Variants in CACNB4 observed in about 807,000 individuals in gnomAD.
The protein encoded by CACNB4 is calcium voltage-gated channel auxiliary subunit beta 4.
CACNB4 carries 32 observed loss-of-function variants against 71.2 expected under a neutral mutation model. The ratio of observed to expected loss-of-function variants is 0.45; its 90% confidence interval spans 0.34 to 0.60. CACNB4 has a LOEUF of 0.60. Ranked by LOEUF, CACNB4 falls within the 20% of genes least tolerant of loss-of-function variation. The pLI is 0.01. For missense variants in CACNB4, 464 were observed against 647.9 expected (o/e 0.72, Z 3.08); for synonymous variants, 231 against 236.9 (o/e 0.97, Z 0.23).
intron 2 of CACNB4, among the ~76,000 whole-genome samples, chr2:152,091,419 T>C (rs182522975): frequency 1.2e-4 from 18 of 152,172 alleles, no homozygotes; most frequent in Admixed American, 8.5e-4. Context: ...GCAGCTAAAA[T>C]ATAAAAATGG....
chr2:151,986,844 G>A (rs1276759638), intron 2 of CACNB4, among the ~76,000 whole-genome samples: 2 of 152,154 alleles, frequency 1.3e-5, no homozygotes, highest in Non-Finnish European at 2.9e-5. Flanking sequence ...TCTTACTGGG[G>A]TTGGGGGGAG....
intron 2 of CACNB4, among the ~76,000 whole-genome samples, chr2:152,042,891 C>T (rs769699648): frequency 1.3e-5 from 2 of 152,198 alleles, no homozygotes; most frequent in Middle Eastern, 3.4e-3. Context: ...CATGCAGTAA[C>T]GAAGCCGGCT....
chr2:151,935,782 G>C (rs181516818), intron 2 of CACNB4, among the ~76,000 whole-genome samples: 1 of 152,284 alleles, frequency 6.6e-6, no homozygotes, highest in East Asian at 1.9e-4. Flanking sequence ...CATTGATAAG[G>C]CTATTAGATA....
At chr2:152,080,372 C>G (rs1262100436) in intron 2 of CACNB4, among the ~76,000 whole-genome samples, 1 of 152,110 alleles carries the variant, frequency 6.6e-6, no homozygotes, top group African/African-American at 2.4e-5. Flanking sequence ...CCCCCTGCCT[C>G]GACCTCCCAA....
intron 5 of CACNB4, 26 bp downstream of exon 5, chr2:151,876,400 A>AG: frequency 6.3e-7 from 1 of 1,582,064 alleles, no homozygotes; most frequent in Non-Finnish European, 8.6e-7. Context: ...ACCAAAAAAA[A>AG]GTGCATAGAA....
At chr2:152,084,415 AGGCTGGT>A (rs1399053613) in intron 2 of CACNB4, among the ~76,000 whole-genome samples, 1 of 152,224 alleles carries the variant, frequency 6.6e-6, no homozygotes, top group African/African-American at 2.4e-5. Context: ...GCCTCTTCAA[AGGCTGGT>A]GGCAGTAGAC....
intron 2 of CACNB4, among the ~76,000 whole-genome samples, chr2:152,077,887 T>C (rs1687129308): frequency 6.6e-6 from 1 of 152,078 alleles, no homozygotes; most frequent in Non-Finnish European, 1.5e-5. Flanking sequence ...CCAACTGAAA[T>C]CCATTAGAGG....
At chr2:151,979,320 A>C (rs2099874327) in intron 2 of CACNB4, among the ~76,000 whole-genome samples, 1 of 152,154 alleles carries the variant, frequency 6.6e-6, no homozygotes, top group South Asian at 2.1e-4. Context: ...TTCAGGAAAA[A>C]TAATACTTCA....
chr2:151,888,507 A>T (rs186817784), intron 2 of CACNB4, among the ~76,000 whole-genome samples: 5 of 152,316 alleles, frequency 3.3e-5, no homozygotes, highest in African/African-American at 1.2e-4. Context: ...TGGAGGCTCC[A>T]GTGAGCCATG....
At chr2:151,872,055 AT>A (rs1222454048) in intron 6 of CACNB4, 7 of 268,562 alleles carry the variant, frequency 2.6e-5, no homozygotes, top group Non-Finnish European at 4.3e-5. Context: ...TGAAAACAGC[AT>A]TTTCTTGAGA....
chr2:152,073,680 A>T (rs1036374179), intron 2 of CACNB4, among the ~76,000 whole-genome samples: 1 of 152,238 alleles, frequency 6.6e-6, no homozygotes, highest in Admixed American at 6.5e-5. Context: ...AAATGGAACA[A>T]AAGAGATAAT....
chr2:152,001,187 G>A lies in CACNB4; in HGVS notation c.147+97143C>T, dbSNP rs61216965. ...TAGGAGGTCGGGATCAGAGCACATGGCCTTAACCACAGCCTCCTGCCTCTT... is the reference window on the plus strand; with the variant it reads ...TAGGAGGTCGGGATCAGAGCACATGACCTTAACCACAGCCTCCTGCCTCTT... On this transcript the variant is annotated intron_variant, in intron 2 of 13. Transcript: ENST00000539935. 1.3e-3 allele frequency among the ~76,000 whole-genome samples: 196 copies of A among 152,256 alleles called. 2 individuals are homozygous for A. Among genetic ancestry groups the A allele is most frequent in the African/African-American group, 4.3e-3 (180 of 41,566 alleles).
intron 2 of CACNB4, among the ~76,000 whole-genome samples, chr2:152,037,007 T>C (rs1467097392): frequency 6.6e-6 from 1 of 152,162 alleles, no homozygotes; most frequent in Non-Finnish European, 1.5e-5. Context: ...CTTATTTGGG[T>C]GTTTCTATCT....
intron 2 of CACNB4, among the ~76,000 whole-genome samples, chr2:151,948,773 C>T (rs1005789069): frequency 2.6e-5 from 4 of 152,180 alleles, no homozygotes; most frequent in African/African-American, 9.6e-5. Context: ...CCCCTGGCCA[C>T]AGTACAGAGT....
At chr2:152,028,186 C>T (rs16830618) in intron 2 of CACNB4, among the ~76,000 whole-genome samples, 2,674 of 152,250 alleles carry the variant, frequency 0.018, 70 homozygotes, top group African/African-American at 0.061. Flanking sequence ...CAATTTAGGA[C>T]TGGGAACCCC....
intron 2 of CACNB4, among the ~76,000 whole-genome samples, chr2:152,060,463 C>T (rs1685949995): frequency 6.6e-6 from 1 of 152,200 alleles, no homozygotes; most frequent in Non-Finnish European, 1.5e-5. Context: ...AGGAAAACTA[C>T]TGCTCTGATA....
chr2:151,910,875 TA>T (rs1286191244), intron 2 of CACNB4, among the ~76,000 whole-genome samples: 5 of 152,244 alleles, frequency 3.3e-5, no homozygotes, highest in African/African-American at 7.2e-5. Flanking sequence ...ATTGAATCTA[TA>T]AATTACTTTG....
intron 2 of CACNB4, among the ~76,000 whole-genome samples, chr2:151,949,571 T>C (rs1205398399): frequency 6.6e-6 from 1 of 152,084 alleles, no homozygotes; most frequent in Non-Finnish European, 1.5e-5. Flanking sequence ...GTAGGTGATG[T>C]GGCTGATATG....
intron 2 of CACNB4, among the ~76,000 whole-genome samples, chr2:152,059,450 G>A (rs186716940): frequency 4.6e-4 from 70 of 152,358 alleles, no homozygotes; most frequent in Non-Finnish European, 7.9e-4. Context: ...GAAGTCAAAG[G>A]AGATCATTTT....
Sources: allele counts gnomAD v4.1 joint callset (sites outside exome capture counted in the v4.1 genomes callset), GRCh38; gene constraint gnomAD v4.1.1; transcripts MANE v1.5; gene names NCBI Gene and HGNC (gene_info 2026-07-23, HGNC 2026-07-21).